The following SIVA1 variants were observed in gnomAD, a reference collection of about 807,000 sequenced individuals.
SIVA1 encodes SIVA1 apoptosis inducing factor, also known as apoptosis regulatory protein Siva.
In SIVA1, 10 loss-of-function variants were observed where a neutral mutation model predicts 19.7. The observed-to-expected ratio is 0.51, with a 90% CI of 0.31 to 0.86. The LOEUF is 0.86. Among genes scored for constraint, SIVA1 ranks in the 40% least tolerant of loss-of-function variants. The probability of loss-of-function intolerance (pLI) is 0.04; values close to 1 mark genes in which losing one functional copy is unlikely to be tolerated. For synonymous variants in SIVA1, 130 were observed against 106.1 expected (o/e 1.23, Z -1.39); for missense variants, 241 against 245.2 (o/e 0.98, Z 0.11).
chr14:104,757,114 G>A (rs1891918755), intron 3 of SIVA1: 1 of 384,188 alleles, frequency 2.6e-6, no homozygotes, highest in African/African-American at 2.1e-5. Context: ...TGACACAGGT[G>A]CACACCGCAG....
chr14:104,756,467 A>C, intron 2 of SIVA1, 137 bp from the exon 3 acceptor site: 23 of 875,068 alleles, frequency 2.6e-5, no homozygotes, highest in Non-Finnish European at 3.9e-5. Context: ...GGTTGTCAGA[A>C]GGATCCAGTG....
At position 104,753,226 on chromosome 14, in the gene SIVA1, G is replaced by A; in HGVS notation, c.25G>A (p.Ala9Thr). 6.3e-7 allele frequency: 1 copy of A among 1,582,772 alleles called. No homozygotes were observed. The highest frequency in any genetic ancestry group is 8.6e-7 in the Non-Finnish European group (1 of 1,167,332). The stretch of plus-strand genomic sequence containing the variant: ...CATGCCCAAGCGGAGCTGCCCCTTC[G>A]CGGACGTGGCCCCGCTACAGCTCAA... The part of the protein sequence containing the change: MPKRSCPF[A>T]DVAPLQLKVR... Residue 9 changes from alanine to threonine, a missense_variant, in exon 1 of 4, where the codon GCG becomes ACG. By Grantham distance (58) the Ala-to-Thr change is moderately conservative. Coordinates refer to ENST00000329967, the MANE Select transcript of SIVA1 (RefSeq NM_006427.4).
chr14:104,753,654 G>A, intron 1 of SIVA1: 2 of 444,982 alleles, frequency 4.5e-6, no homozygotes, highest in South Asian at 1.9e-5. Flanking sequence ...GGACTGTCCC[G>A]TGCAGGATGT....
chr14:104,759,476 C>T lies in SIVA1; in HGVS notation c.519C>T (p.Phe173=), dbSNP rs149750921. The change falls in exon 4 of 4, where the codon TTC becomes TTT. Residue 173 remains phenylalanine, a synonymous_variant. Coordinates refer to ENST00000329967, the MANE Select transcript of SIVA1 (RefSeq NM_006427.4). This position sits in a 1 kb window ranked among gnomAD's most constrained non-coding sequence, Gnocchi z 4.2. ...TGCTGTGCACCAGCTGTGCCATGTT[C>T]GAGACCTGAGGCTGGCTCAAGCCGG... is the stretch of plus-strand genomic sequence containing the variant. ...EKVLCTSCAM[F]ET The T allele has an allele frequency of 8.1e-6, 13 of 1,611,114 alleles. No individual in the cohort carries two copies. The highest frequency in any genetic ancestry group is 6.7e-5 in the African/African-American group (5 of 74,892).
intron 2 of SIVA1, chr14:104,756,096 G>A (rs1484665529): frequency 3.4e-6 from 2 of 586,706 alleles, no homozygotes; most frequent in African/African-American, 3.8e-5. Flanking sequence ...CCCTCAGATA[G>A]TCCCACAAGG....
Position 104,755,634 on chromosome 14 carries a change from G to A in SIVA1, c.123G>A (p.Lys41=). ...AERYSQEVFE[K]TKRLLFLGAQ... The stretch of plus-strand genomic sequence containing the variant: ...GAATGATTTATCTTCCCCCAGAGAA[G>A]ACCAAGCGACTCCTGTTCCTCGGGG... Residue 41 remains lysine, a synonymous_variant, in exon 2 of 4, where the codon AAG becomes AAA. Transcript: ENST00000329967. 6.2e-7 allele frequency: 1 copy of A among 1,610,842 alleles called. No homozygotes were observed. The highest frequency in any genetic ancestry group is 8.5e-7 in the Non-Finnish European group (1 of 1,179,086).
At chr14:104,756,574 G>C (rs1891895047) in intron 2 of SIVA1, 30 bp from the exon 3 acceptor site, 1 of 1,613,724 alleles carries the variant, frequency 6.2e-7, no homozygotes, top group Non-Finnish European at 8.5e-7. Flanking sequence ...TCTCCTTGCA[G>C]CCTGACGGCT....
chr14:104,753,635 G>A, intron 1 of SIVA1: 1 of 457,012 alleles, frequency 2.2e-6, no homozygotes, highest in Non-Finnish European at 4.1e-6. Flanking sequence ...CCCGCCTGGT[G>A]CTTTCTCAGG....
intron 2 of SIVA1, 169 bp from the exon 3 acceptor site, chr14:104,756,435 T>C (rs988715485): frequency 1.0e-5 from 7 of 677,054 alleles, no homozygotes; most frequent in East Asian, 2.7e-5. Context: ...ACGGGGGTCC[T>C]GTGCACTGTA....
intron 2 of SIVA1, chr14:104,756,083 G>GC (rs1455584791): frequency 1.6e-6 from 1 of 614,622 alleles, no homozygotes; most frequent in Non-Finnish European, 3.0e-6. Flanking sequence ...TCCGCCTGCA[G>GC]CCCCCTCAGA....
chr14:104,757,083 G>T (rs12587575), intron 3 of SIVA1: 2 of 398,032 alleles, frequency 5.0e-6, no homozygotes, highest in African/African-American at 2.1e-5. Context: ...CCCTCCCCCC[G>T]TCCGAGGAGC....
intron 3 of SIVA1, chr14:104,758,570 A>G (rs895423547): frequency 6.6e-6 from 1 of 150,720 alleles, no homozygotes; most frequent in Admixed American, 6.6e-5. Flanking sequence ...GCTCACTGCA[A>G]CTTCCACCTC....
At chr14:104,755,865 G>A (rs776950710) in intron 2 of SIVA1, 41 bp downstream of exon 2, 1 of 1,560,542 alleles carries the variant, frequency 6.4e-7, no homozygotes, top group Non-Finnish European at 8.8e-7. Flanking sequence ...TGGCACTGAG[G>A]GCAGGTGGTG....
Position 104,759,366 on chromosome 14 carries a change from G to A in SIVA1, c.471-62G>A, listed in dbSNP as rs1009446025. On this transcript the variant is annotated intron_variant, in intron 3 of 3. Coordinates refer to ENST00000329967, the MANE Select transcript of SIVA1 (RefSeq NM_006427.4). The surrounding 1 kb of genome is among the most constrained non-coding windows in gnomAD (Gnocchi z 4.2). ...GACTTTGACGTTTGAATGGTGGGGGGTGGTGGACACAATTCAGCCCCTGAC... is the reference window on the plus strand; with the variant it reads ...GACTTTGACGTTTGAATGGTGGGGGATGGTGGACACAATTCAGCCCCTGAC... The A allele has an allele frequency of 3.6e-6, 5 of 1,398,618 alleles. No homozygotes were observed. In the East Asian group the frequency reaches 9.5e-5, roughly 27 times the overall value. 86.6% of individuals were successfully genotyped at this position (1,398,618 alleles called of 1,614,324 possible). A position where few individuals can be genotyped will look rare whatever the true frequency, so the allele number is the denominator to read the frequency against.
At chr14:104,755,122 G>A (rs533200531) in intron 1 of SIVA1, among the ~76,000 whole-genome samples, 1 of 152,196 alleles carries the variant, frequency 6.6e-6, no homozygotes, top group Admixed American at 6.5e-5. Flanking sequence ...GGTGAAGGGG[G>A]TGTGCTCTGG....
chr14:104,756,889 T>C, intron 3 of SIVA1, 129 bp downstream of exon 3: 1 of 1,068,518 alleles, frequency 9.4e-7, no homozygotes. Flanking sequence ...CATCTGGCAT[T>C]GCCTAACGGG....
intron 3 of SIVA1, chr14:104,757,397 C>T (rs1439305321): frequency 6.3e-6 from 2 of 319,996 alleles, no homozygotes; most frequent in Non-Finnish European, 1.3e-5. Flanking sequence ...AAGCTTAGTC[C>T]AAACAATGTC....
rs1416160955 is a variant in SIVA1 at position 104,755,811 on chromosome 14, G to A, written c.300G>A (p.Gln100=). The change falls in exon 2 of 4, where the codon CAG becomes CAA. Residue 100 remains glutamine, a synonymous_variant. Coordinates refer to ENST00000329967, the MANE Select transcript of SIVA1 (RefSeq NM_006427.4). Reference sequence around the variant, plus strand: ...GCCGCCTGATCAGGAGCCTTGGGCAGGCCTCCGAAGCTGGTGAGTGGCACC... The same window carrying A: ...GCCGCCTGATCAGGAGCCTTGGGCAAGCCTCCGAAGCTGGTGAGTGGCACC... ...PDGRLIRSLG[Q]ASEADPSGVA... The A allele has an allele frequency of 5.6e-6, 9 of 1,613,694 alleles. No individual in the cohort carries two copies. Among genetic ancestry groups the A allele is most frequent in the Non-Finnish European group, 7.6e-6 (9 of 1,179,910 alleles).
chr14:104,755,714 C>T lies in SIVA1; in HGVS notation c.203C>T (p.Pro68Leu). ...GAAGGCTGTGCCGTCGTTCACCTGC[C>T]AGAGTCCCCAAAGCCTGGCCCTACA... ...WDEGCAVVHL[P>L]ESPKPGPTGA... is the part of the protein sequence containing the mutation. Residue 68 changes from proline (P) to leucine (L), a missense_variant, in exon 2 of 4, where the codon CCA becomes CTA. Coordinates refer to ENST00000329967, the MANE Select transcript of SIVA1 (RefSeq NM_006427.4). 1.2e-6 allele frequency: 2 copies of T among 1,614,124 alleles called. No homozygotes were observed. The highest frequency in any genetic ancestry group is 1.1e-5 in the South Asian group (1 of 91,072).
Sources: allele counts gnomAD v4.1 joint callset (sites outside exome capture counted in the v4.1 genomes callset), GRCh38; gene constraint gnomAD v4.1.1; non-coding constraint Gnocchi (gnomAD v3.1); transcripts MANE v1.5; gene names NCBI Gene and HGNC (gene_info 2026-07-23, HGNC 2026-07-21).